Variants in MEIOB observed in about 807,000 individuals in gnomAD.
MEIOB encodes meiosis specific with OB-fold.
In MEIOB, 50 loss-of-function variants were observed where a neutral mutation model predicts 53.1. That is an observed-to-expected ratio of 0.94 (90% CI 0.75 to 1.19). The LOEUF is 1.19. MEIOB is among the 50% of genes most tolerant of loss of function. The pLI, the probability that MEIOB is intolerant of heterozygous loss-of-function variation, is 0.00. For missense variants in MEIOB, 551 were observed against 550.8 expected (o/e 1.00, Z 0.00); for synonymous variants, 192 against 182.5 (o/e 1.05, Z -0.42).
At position 1,862,245 on chromosome 16, in the gene MEIOB, TATTG is replaced by T. The variant is rs147469056; in HGVS notation, c.128-133_128-130del. 361 of 691,634 alleles carry T rather than the reference TATTG, an allele frequency of 5.2e-4. No individual in the cohort carries two copies. The African/African-American group carries it at 5.3e-3, about 10-fold the overall frequency. The allele number at this position is 691,634 out of a possible 1,614,324, so 42.8% of individuals were successfully genotyped here. On this transcript the variant is annotated intron_variant, in intron 3 of 13. Coordinates refer to ENST00000325962, the MANE Select transcript of MEIOB (RefSeq NM_001163560.3). The stretch of plus-strand genomic sequence containing the variant: ...ATGATTATTTGTTTAATCAAATAAC[TATTG>T]ATTATGATAATAAAAATACTCAAAT...
chr16:1,866,538 T>C (rs535497876), intron 2 of MEIOB, among the ~76,000 whole-genome samples: 50 of 152,084 alleles, frequency 3.3e-4, no homozygotes, highest in Non-Finnish European at 6.2e-4. Context: ...CTGACCAACA[T>C]GGTGAAACTC....
intron 4 of MEIOB, among the ~76,000 whole-genome samples, chr16:1,860,679 A>G (rs1899420024): frequency 6.6e-6 from 1 of 152,168 alleles, no homozygotes; most frequent in Admixed American, 6.5e-5. Flanking sequence ...TCCATATGTA[A>G]CTAATATTCC....
At chr16:1,862,204 T>C (rs1657126) in intron 3 of MEIOB, 88 bp from the exon 4 acceptor site, 147,063 of 1,026,238 alleles carry the variant, frequency 0.14, 11,311 homozygotes, top group East Asian at 0.28. Flanking sequence ...AAAAGTTTCA[T>C]TTCAATTATA....
At chr16:1,850,669 C>G (rs1899146437) in intron 9 of MEIOB, among the ~76,000 whole-genome samples, 1 of 151,892 alleles carries the variant, frequency 6.6e-6, no homozygotes, top group Non-Finnish European at 1.5e-5. Flanking sequence ...ACCTGTAATC[C>G]CAGCACTTTG....
intron 12 of MEIOB, chr16:1,838,102 T>C: frequency 1.5e-6 from 1 of 684,008 alleles, no homozygotes; most frequent in Admixed American, 2.8e-5. Flanking sequence ...GGTCAAGCAA[T>C]CCTCCCTCAG....
intron 9 of MEIOB, 36 bp from the exon 10 acceptor site, chr16:1,844,999 C>G (rs1898996502): frequency 1.1e-6 from 1 of 919,572 alleles, no homozygotes. Context: ...AAAAAGCAAA[C>G]TGATTATCAT....
At chr16:1,835,682 C>A (rs1326036790) in intron 13 of MEIOB, among the ~76,000 whole-genome samples, 3 of 152,086 alleles carry the variant, frequency 2.0e-5, no homozygotes, top group Non-Finnish European at 4.4e-5. Flanking sequence ...TGTTTTAGAA[C>A]TAGGTTGTAG....
chr16:1,868,664 G>A (rs930927246), intron 1 of MEIOB, among the ~76,000 whole-genome samples: 2 of 152,050 alleles, frequency 1.3e-5, no homozygotes, highest in African/African-American at 4.8e-5. Context: ...GACCATCCCG[G>A]CTAACATGCT....
chr16:1,859,279 C>T (rs924844060), intron 5 of MEIOB, among the ~76,000 whole-genome samples: 48 of 152,180 alleles, frequency 3.2e-4, no homozygotes, highest in Non-Finnish European at 6.2e-4. Flanking sequence ...CGGTGGCTCA[C>T]GCCTGTAATC....
intron 9 of MEIOB, among the ~76,000 whole-genome samples, chr16:1,845,877 G>C (rs1424486911): frequency 6.6e-6 from 1 of 152,056 alleles, no homozygotes; most frequent in Non-Finnish European, 1.5e-5. Context: ...AGTACCCCAG[G>C]CCCCCCTGAA....
At chr16:1,869,719 G>A (rs1306102369) in intron 1 of MEIOB, among the ~76,000 whole-genome samples, 1 of 151,436 alleles carries the variant, frequency 6.6e-6, no homozygotes, top group Non-Finnish European at 1.5e-5. Flanking sequence ...CCAAAGTGCT[G>A]GGATTACAGG....
intron 9 of MEIOB, among the ~76,000 whole-genome samples, chr16:1,847,327 T>C (rs1267318268): frequency 6.6e-6 from 1 of 151,582 alleles, no homozygotes; most frequent in Admixed American, 6.6e-5. Context: ...CCATGTGTGG[T>C]GGTGCGCGCC....
chr16:1,863,250 C>T (rs978002635), intron 3 of MEIOB, among the ~76,000 whole-genome samples: 2 of 151,962 alleles, frequency 1.3e-5, no homozygotes, highest in Admixed American at 6.6e-5. Flanking sequence ...AGTTCAGTGA[C>T]GCGATCTCTC....
intron 6 of MEIOB, among the ~76,000 whole-genome samples, chr16:1,856,159 T>TG (rs1174487475): frequency 1.8e-5 from 1 of 55,966 alleles, no homozygotes; most frequent in Non-Finnish European, 3.8e-5. Flanking sequence ...CATGCCCAGC[T>TG]AATTTTTTTT....
At chr16:1,834,537 G>A (rs543984767) in intron 13 of MEIOB, among the ~76,000 whole-genome samples, 171 bp from the exon 14 acceptor site, 152 of 152,266 alleles carry the variant, frequency 1.0e-3, no homozygotes, top group Non-Finnish European at 1.6e-3. Context: ...TTCCAGTCTC[G>A]GAGTACAGTT....
At chr16:1,855,104 G>T (rs1370829379) in intron 6 of MEIOB, among the ~76,000 whole-genome samples, 1 of 152,216 alleles carries the variant, frequency 6.6e-6, no homozygotes, top group Non-Finnish European at 1.5e-5. Flanking sequence ...TGAAACGCCA[G>T]TGGGGGTGAG....
chr16:1,845,590 C>G (rs1350768968), intron 9 of MEIOB, among the ~76,000 whole-genome samples: 1 of 151,946 alleles, frequency 6.6e-6, no homozygotes, highest in Non-Finnish European at 1.5e-5. Context: ...TCTCTCTAGA[C>G]AGTGGGATTG....
intron 1 of MEIOB, among the ~76,000 whole-genome samples, chr16:1,868,736 G>T (rs4451946): frequency 0.83 from 124,418 of 150,760 alleles, 51,440 homozygotes; most frequent in Middle Eastern, 0.89. Flanking sequence ...GCACCTGTAG[G>T]CCCAGCTACT....
intron 3 of MEIOB, among the ~76,000 whole-genome samples, chr16:1,864,154 A>G (rs752448410): frequency 6.6e-6 from 1 of 152,146 alleles, no homozygotes; most frequent in Non-Finnish European, 1.5e-5. Context: ...CCTATCTCAA[A>G]TTTTTAAAAA....
Sources: allele counts gnomAD v4.1 joint callset (sites outside exome capture counted in the v4.1 genomes callset), GRCh38; gene constraint gnomAD v4.1.1; transcripts MANE v1.5; gene names NCBI Gene and HGNC (gene_info 2026-07-23, HGNC 2026-07-21).